The following GRPEL1 variants were observed in gnomAD, a reference collection of about 807,000 sequenced individuals.
The protein encoded by GRPEL1 is GrpE like 1, mitochondrial.
Under a neutral mutation model 22.1 loss-of-function variants are expected in GRPEL1, and 13 were observed. The ratio of observed to expected loss-of-function variants is 0.59; its 90% CI spans 0.38 to 0.94. The LOEUF (loss-of-function observed/expected upper bound fraction) is 0.94, where lower values mean the gene tolerates loss of function less well. Among genes scored for constraint, GRPEL1 ranks in the 40% least tolerant of loss-of-function variants. The pLI is 0.00. For synonymous variants in GRPEL1, 109 were observed against 105.3 expected (o/e 1.03, Z -0.21); for missense variants, 289 against 264.6 (o/e 1.09, Z -0.64).
At chr4:7,062,509 T>A in intron 2 of GRPEL1, 43 bp from the exon 3 acceptor site, 1 of 455,326 alleles carries the variant, frequency 2.2e-6, no homozygotes, top group Non-Finnish European at 3.2e-6. Flanking sequence ...TATATATATA[T>A]ATATATCTTT....
At chr4:7,066,432 C>T (rs1052540099) in intron 1 of GRPEL1, among the ~76,000 whole-genome samples, 3 of 152,122 alleles carry the variant, frequency 2.0e-5, no homozygotes, top group African/African-American at 7.2e-5. Flanking sequence ...AAAACAGGAT[C>T]CTATTTTTGT....
chr4:7,060,807 C>A lies in GRPEL1; in HGVS notation c.*55G>T. The stretch of plus-strand genomic sequence containing the variant: ...TACTCATAGATGAGAAACAATGAAC[C>A]AGCCTTGAGAGTTACATCAAGTGAG... On this transcript the variant is annotated 3_prime_UTR_variant, in exon 4 of 4. Transcript: ENST00000264954. 1 of 1,439,066 alleles carries A rather than the reference C, an allele frequency of 6.9e-7. No homozygotes were observed. The highest frequency in any genetic ancestry group is 9.5e-7 in the Non-Finnish European group (1 of 1,051,476). 89.1% of individuals were successfully genotyped at this position (1,439,066 alleles called of 1,614,324 possible).
chr4:7,062,023 CAA>C (rs1724052722), intron 3 of GRPEL1: 1 of 156,944 alleles, frequency 6.4e-6, no homozygotes, highest in South Asian at 2.0e-4. Context: ...AGGACAGTAA[CAA>C]AAACATCCAA....
intron 1 of GRPEL1, 191 bp from the exon 2 acceptor site, chr4:7,064,414 G>A: frequency 2.0e-6 from 1 of 508,272 alleles, no homozygotes. Flanking sequence ...TATAAAAGCT[G>A]TAAGTCATAT....
At position 7,060,937 on chromosome 4, in the gene GRPEL1, T is replaced by G. The variant is rs1386832076; in HGVS notation, c.579A>C (p.Leu193=). The change falls in exon 4 of 4, where the codon CTA becomes CTC. Residue 193 remains leucine, a synonymous_variant. Transcript: ENST00000264954. The part of the protein sequence containing the change: ...VEGKEPGTVA[L]VSKVGYKLHG... Reference sequence around the variant, plus strand: ...GCAGCTTGTACCCCACTTTGCTAACTAGGGCCACTGTGCCTGGCTCCTTCC... The same window carrying G: ...GCAGCTTGTACCCCACTTTGCTAACGAGGGCCACTGTGCCTGGCTCCTTCC... 6.2e-7 allele frequency: 1 copy of G among 1,614,194 alleles called. No homozygotes were observed. The highest frequency in any genetic ancestry group is 1.3e-5 in the African/African-American group (1 of 75,052).
intron 2 of GRPEL1, 149 bp downstream of exon 2, chr4:7,063,912 G>A: frequency 2.4e-6 from 2 of 822,102 alleles, no homozygotes; most frequent in Admixed American, 3.3e-5. Flanking sequence ...TGCTTTGGCA[G>A]TAACTTGCCA....
intron 3 of GRPEL1, 36 bp downstream of exon 3, chr4:7,062,349 C>CT (rs1383043596): frequency 3.6e-6 from 4 of 1,120,614 alleles, no homozygotes; most frequent in East Asian, 5.1e-5. Context: ...CCATTATCTT[C>CT]TTTCCGGAAT....
Position 7,068,024 on chromosome 4 carries a change from A to G in GRPEL1, c.9T>C (p.Ala3=). 1 of 1,612,000 alleles carries G rather than the reference A, an allele frequency of 6.2e-7. No homozygotes were observed. The highest frequency in any genetic ancestry group is 8.5e-7 in the Non-Finnish European group (1 of 1,179,638). ...TGCGCCGCGCCAACCTCACGCACTG[A>G]GCCGCCATGACTGCCACTGCCCGTC... MA[A]QCVRLARRSL... Residue 3 remains alanine (A), a synonymous_variant, in exon 1 of 4, where the codon GCT becomes GCC. Transcript: ENST00000264954.
At chr4:7,064,512 T>C (rs535639676) in intron 1 of GRPEL1, among the ~76,000 whole-genome samples, 2 of 152,308 alleles carry the variant, frequency 1.3e-5, no homozygotes, top group East Asian at 3.9e-4. Context: ...TATCTATCTA[T>C]ACATCTATCT....
intron 2 of GRPEL1, among the ~76,000 whole-genome samples, 172 bp downstream of exon 2, chr4:7,063,889 G>C (rs1724098985): frequency 6.6e-6 from 1 of 152,226 alleles, no homozygotes; most frequent in Non-Finnish European, 1.5e-5. Flanking sequence ...CACAGGATTT[G>C]GGTTTTAGTC....
chr4:7,062,396 G>T lies in GRPEL1; in HGVS notation c.296C>A (p.Ala99Glu). 1 of 1,556,636 alleles carries T rather than the reference G, an allele frequency of 6.4e-7. No homozygotes were observed. Among genetic ancestry groups the T allele is most frequent in the South Asian group, 1.1e-5 (1 of 88,622 alleles). The change falls in exon 3 of 4, where the codon GCA (alanine) becomes GAA (glutamate). Residue 99 changes from alanine to glutamate, a missense_variant. Transcript: ENST00000264954. ...TATGTTGAAAGTACCGTATAATTTTGCCTCCTCCACCAATTTCTGGCTCCT... is the reference window on the plus strand; with the variant it reads ...TATGTTGAAAGTACCGTATAATTTTTCCTCCTCCACCAATTTCTGGCTCCT... ...RQRSQKLVEEAKLYGIQAFCK... is the reference protein window; with the variant it reads ...RQRSQKLVEEEKLYGIQAFCK...
intron 1 of GRPEL1, 71 bp from the exon 2 acceptor site, chr4:7,064,294 T>C: frequency 6.7e-7 from 1 of 1,490,392 alleles, no homozygotes; most frequent in East Asian, 2.3e-5. Flanking sequence ...TGTATGACTT[T>C]AGAAACTTAA....
intron 1 of GRPEL1, among the ~76,000 whole-genome samples, chr4:7,066,030 A>AT (rs1409234001): frequency 2.0e-5 from 3 of 151,772 alleles, no homozygotes; most frequent in South Asian, 2.1e-4. Context: ...ATTTTTTTGT[A>AT]TTTTTTTAGT....
At chr4:7,064,889 G>C (rs2108792662) in intron 1 of GRPEL1, among the ~76,000 whole-genome samples, 1 of 152,182 alleles carries the variant, frequency 6.6e-6, no homozygotes, top group Middle Eastern at 3.4e-3. Context: ...CGAACTCCTG[G>C]GCTCAAGTGT....
chr4:7,064,175 GCCA>G lies in GRPEL1; in HGVS notation c.108_110del (p.Gly37del). 1.2e-6 allele frequency: 2 copies of G among 1,614,042 alleles called. No homozygotes were observed. The highest frequency in any genetic ancestry group is 1.7e-6 in the Non-Finnish European group (2 of 1,179,972). ...GACCCATGTCCTCTTCCAGGTTCTG[GCCA>G]CTGTTCTTTTGTTTCGTGGCTGTGC... On this transcript the variant is annotated inframe_deletion, in exon 2 of 4. Coordinates refer to ENST00000264954, the MANE Select transcript of GRPEL1 (RefSeq NM_025196.4).
At chr4:7,062,491 TA>T (rs60881938) in intron 2 of GRPEL1, 25 bp from the exon 3 acceptor site, 541,587 of 731,234 alleles carry the variant, frequency 0.74, 197,231 homozygotes, top group Non-Finnish European at 0.76. Context: ...AAGGGATATT[TA>T]TATATATATA....
chr4:7,062,271 G>C (rs1221054196), intron 3 of GRPEL1, 114 bp downstream of exon 3: 4 of 395,184 alleles, frequency 1.0e-5, no homozygotes, highest in African/African-American at 7.6e-5. Context: ...GGATGCAACA[G>C]CTGGACCCCC....
At chr4:7,067,273 G>A (rs1724191664) in intron 1 of GRPEL1, among the ~76,000 whole-genome samples, 1 of 152,170 alleles carries the variant, frequency 6.6e-6, no homozygotes, top group Admixed American at 6.5e-5. Flanking sequence ...AAAAAAAAAG[G>A]GGCACTGTCT....
intron 2 of GRPEL1, among the ~76,000 whole-genome samples, chr4:7,063,024 G>GTGTAAT (rs1553880382): frequency 2.0e-5 from 3 of 151,764 alleles, no homozygotes; most frequent in Non-Finnish European, 2.9e-5. Flanking sequence ...AACATTCCTT[G>GTGTAAT]TGTAATCATC....
Sources: gnomAD v4.1 joint callset for allele counts (sites outside exome capture counted in the v4.1 genomes callset) on GRCh38, gnomAD v4.1.1 for gene constraint, MANE v1.5 for transcripts, NCBI Gene and HGNC (gene_info 2026-07-23, HGNC 2026-07-21) for gene names.